GRK1: variants seen among roughly 807,000 people sequenced by gnomAD.
The protein encoded by GRK1 is G protein-coupled receptor kinase 1, also known as rhodopsin kinase GRK1.
GRK1 carries 28 observed loss-of-function variants against 41.7 expected under a neutral mutation model. That is an observed-to-expected ratio of 0.67 (90% CI 0.50 to 0.92). The LOEUF is 0.92. Among genes scored for constraint, GRK1 ranks in the 40% least tolerant of loss-of-function variants. GRK1 has a pLI of 0.00. For missense variants in GRK1, 703 were observed against 671.2 expected (o/e 1.05, Z -0.52); for synonymous variants, 327 against 286.7 (o/e 1.14, Z -1.42).
In GRK1 at chr13:113,731,894, CCCACAG is replaced by C. The variant is rs1302264829; in HGVS notation, c.1194+554_1194+559del. ...TCCCCTTCTTCCCAGACACCAAGAACCCACAGCCCATGGTGGGCCCAGCAGCTGCTC... is the reference window on the plus strand; with the variant it reads ...TCCCCTTCTTCCCAGACACCAAGAACCCCATGGTGGGCCCAGCAGCTGCTC... On this transcript the variant is annotated intron_variant, in intron 5 of 6. Coordinates refer to ENST00000335678, the MANE Select transcript of GRK1 (RefSeq NM_002929.3). This position sits in a 1 kb window ranked among gnomAD's most constrained non-coding sequence, Gnocchi z 5.6. 8.5e-5 allele frequency among the ~76,000 whole-genome samples: 13 copies of C among 152,200 alleles called. No individual in the cohort carries two copies. Among genetic ancestry groups the C allele is most frequent in the African/African-American group, 3.1e-4 (13 of 41,456 alleles).
At chr13:113,650,497 C>A in the GRK1 span, 4 of 1,612,184 alleles carry the variant, frequency 2.5e-6, no homozygotes, top group African/African-American at 1.3e-5. This position sits in a 1 kb window ranked among gnomAD's most constrained non-coding sequence, Gnocchi z 5.0. Flanking sequence ...GCCGAGCTCG[C>A]GGGGCTGGTC....
intron 1 of GRK1, among the ~76,000 whole-genome samples, chr13:113,669,380 G>A (rs1328316366): frequency 1.3e-5 from 2 of 152,246 alleles, no homozygotes; most frequent in Non-Finnish European, 2.9e-5. Context: ...CTGGGCAGGC[G>A]GGGCTGGCAG....
chr13:113,730,607 G>A (rs1041417741), intron 4 of GRK1, among the ~76,000 whole-genome samples: 2 of 152,184 alleles, frequency 1.3e-5, no homozygotes, highest in African/African-American at 4.8e-5. Flanking sequence ...GCCCAGAGCC[G>A]TCCCTCCATC....
At position 113,672,000 on chromosome 13, in the gene GRK1, G is replaced by A. The variant is rs900426552; in HGVS notation, c.985+344G>A. ...GGCAGGTCAGGCAAGTGCGAGACAC[G>A]TGCCAGGGCCCTGAGAGAGTGCGTG... On this transcript the variant is annotated intron_variant, in intron 3 of 6. Coordinates refer to ENST00000335678, the MANE Select transcript of GRK1 (RefSeq NM_002929.3). This position sits in a 1 kb window ranked among gnomAD's most constrained non-coding sequence, Gnocchi z 4.1. Among the ~76,000 whole-genome samples, 166 of 151,938 alleles carry A rather than the reference G, an allele frequency of 1.1e-3. No homozygotes were observed. The highest frequency in any genetic ancestry group is 2.0e-3 in the Non-Finnish European group (138 of 67,924).
intron 4 of GRK1, among the ~76,000 whole-genome samples, chr13:113,729,746 C>T (rs539074986): frequency 1.3e-5 from 2 of 152,104 alleles, no homozygotes; most frequent in East Asian, 1.9e-4. Context: ...TGTGCCCAGA[C>T]CCGTCCCTCC....
the GRK1 span, chr13:113,648,935 A>G: frequency 6.5e-6 from 1 of 152,950 alleles, no homozygotes; most frequent in South Asian, 2.0e-4. Context: ...TTTAAAAGCA[A>G]GAATTCAGAA....
chr13:113,733,730 C>CAT (rs1566699817), intron 6 of GRK1, among the ~76,000 whole-genome samples: 4 of 77,700 alleles, frequency 5.1e-5, no homozygotes, highest in Admixed American at 1.3e-4. Flanking sequence ...TGTGTGCGCG[C>CAT]GTGTGTATGT....
At chr13:113,649,630 C>G in the GRK1 span, 1 of 1,364,496 alleles carries the variant, frequency 7.3e-7, no homozygotes, top group East Asian at 2.7e-5. This position sits in a 1 kb window ranked among gnomAD's most constrained non-coding sequence, Gnocchi z 4.7. Context: ...CAGGTTGGTG[C>G]AGAGAAGCAG....
At chr13:113,728,959 GC>G (rs1360196103) in intron 4 of GRK1, among the ~76,000 whole-genome samples, 8 of 152,090 alleles carry the variant, frequency 5.3e-5, no homozygotes. Context: ...AGCCTGAGCA[GC>G]GTGGGGGTGC....
chr13:113,728,997 C>T (rs2049914166), intron 4 of GRK1, among the ~76,000 whole-genome samples: 1 of 152,176 alleles, frequency 6.6e-6, no homozygotes, highest in Non-Finnish European at 1.5e-5. Flanking sequence ...ACACTGGATT[C>T]CATCTTCTCT....
intron 2 of GRK1, among the ~76,000 whole-genome samples, chr13:113,670,690 G>A (rs141946540): frequency 1.9e-4 from 9 of 48,162 alleles, no homozygotes; most frequent in Non-Finnish European, 2.3e-4. Context: ...GGGAGGGGGC[G>A]CTGGGAAACG....
intron 4 of GRK1, among the ~76,000 whole-genome samples, chr13:113,723,935 T>C (rs1014602107): frequency 1.3e-5 from 2 of 151,918 alleles, no homozygotes; most frequent in African/African-American, 4.8e-5. Context: ...CACACATGTG[T>C]ATCCGTGTGC....
chr13:113,666,822 A>G (rs1646796829), upstream of GRK1, among the ~76,000 whole-genome samples: 1 of 152,046 alleles, frequency 6.6e-6, no homozygotes, highest in Non-Finnish European at 1.5e-5. Context: ...TTTCTTTCTC[A>G]TTTGCTATTT....
chr13:113,731,461 G>A lies in GRK1; in HGVS notation c.1194+118G>A. Reference sequence around the variant, plus strand: ...CCTGGGAGTTGTTCTGTGGGCCCTGGGGTGGGGAGGGCACAGATTCACGTG... The same window carrying A: ...CCTGGGAGTTGTTCTGTGGGCCCTGAGGTGGGGAGGGCACAGATTCACGTG... On this transcript the variant is annotated intron_variant, in intron 5 of 6. Coordinates refer to ENST00000335678, the MANE Select transcript of GRK1 (RefSeq NM_002929.3). The surrounding 1 kb of genome is among the most constrained non-coding windows in gnomAD (Gnocchi z 5.6). The A allele has an allele frequency of 7.2e-7, 1 of 1,387,776 alleles. No homozygotes were observed. Among genetic ancestry groups the A allele is most frequent in the East Asian group, 2.5e-5 (1 of 39,694 alleles). 86.0% of individuals were successfully genotyped at this position (1,387,776 alleles called of 1,614,324 possible). A position where few individuals can be genotyped will look rare whatever the true frequency, so the allele number is the denominator to read the frequency against.
the GRK1 span, among the ~76,000 whole-genome samples, chr13:113,654,474 G>C: frequency 1.3e-5 from 2 of 152,244 alleles, no homozygotes; most frequent in African/African-American, 4.8e-5. Context: ...CCAAGCACAG[G>C]AAGTAAGTGG....
the GRK1 span, among the ~76,000 whole-genome samples, chr13:113,659,696 G>A: frequency 6.6e-6 from 1 of 152,100 alleles, no homozygotes; most frequent in Non-Finnish European, 1.5e-5. Flanking sequence ...GCCTCCCAAA[G>A]TGTTAGGATT....
the GRK1 span, among the ~76,000 whole-genome samples, chr13:113,655,778 G>A: frequency 7.9e-5 from 12 of 152,258 alleles, no homozygotes; most frequent in African/African-American, 2.2e-4. Context: ...CTCCGCTGAT[G>A]TGGCATGGAT....
chr13:113,672,746 C>A (rs1173647375), intron 3 of GRK1, among the ~76,000 whole-genome samples: 1 of 74,012 alleles, frequency 1.4e-5, no homozygotes, highest in East Asian at 5.0e-4. Context: ...TGTCTATTTA[C>A]CTCAACCTAA....
chr13:113,651,209 T>A, the GRK1 span, among the ~76,000 whole-genome samples: 8 of 152,196 alleles, frequency 5.3e-5, no homozygotes, highest in Non-Finnish European at 1.2e-4. Context: ...AATTCAGTTT[T>A]AAAAAATGTT....
Sources: gnomAD v4.1 joint callset for allele counts (sites outside exome capture counted in the v4.1 genomes callset) on GRCh38, gnomAD v4.1.1 for gene constraint, Gnocchi (gnomAD v3.1) non-coding constraint, MANE v1.5 for transcripts, NCBI Gene and HGNC (gene_info 2026-07-23, HGNC 2026-07-21) for gene names.